The following REPS2 variants were observed in gnomAD, a reference collection of about 807,000 sequenced individuals.
REPS2 encodes RALBP1 associated Eps domain containing 2.
REPS2 carries 23 observed loss-of-function variants against 53.6 expected under a neutral mutation model. That is an observed-to-expected ratio of 0.43 (90% CI 0.31 to 0.61). REPS2 has a LOEUF of 0.61. Among genes scored for constraint, REPS2 ranks in the 20% least tolerant of loss-of-function variants. The pLI is 0.11. For synonymous variants in REPS2, 238 were observed against 218.6 expected (o/e 1.09, Z -0.78); for missense variants, 446 against 534.9 (o/e 0.83, Z 1.64).
intron 1 of REPS2, among the ~76,000 whole-genome samples, chrX:16,949,736 T>A (rs1407865887): frequency 8.9e-6 from 1 of 111,951 alleles, no homozygotes; most frequent in Non-Finnish European, 1.9e-5. Flanking sequence ...GACTATTTTT[T>A]TTTTTCAGAG....
At chrX:17,170,607 A>G in the REPS2 span, among the ~76,000 whole-genome samples, 1 of 112,506 alleles carries the variant, frequency 8.9e-6, no homozygotes, top group Admixed American at 9.4e-5. Flanking sequence ...TCTGCCATGC[A>G]CTACTGAGAT....
At chrX:17,074,045 C>T (rs1386933569) in intron 11 of REPS2, 69 bp from the exon 12 acceptor site, 19 of 992,626 alleles carry the variant, frequency 1.9e-5, no homozygotes, top group Non-Finnish European at 2.6e-5. Context: ...GTGTTCTGTA[C>T]TAGCCCAGGT....
At chrX:17,102,059 T>G (rs996183262) in intron 13 of REPS2, among the ~76,000 whole-genome samples, 1 of 84,275 alleles carries the variant, frequency 1.2e-5, no homozygotes, top group Admixed American at 1.6e-4. Context: ...TTATGTTATG[T>G]TATGTTATGT....
intron 17 of REPS2, among the ~76,000 whole-genome samples, chrX:17,146,014 C>T (rs1251548260): frequency 4.7e-5 from 5 of 107,348 alleles, no homozygotes; most frequent in African/African-American, 1.7e-4. Flanking sequence ...GAGGCTGAGG[C>T]AGGAGAATGG....
intron 3 of REPS2, among the ~76,000 whole-genome samples, chrX:17,023,295 G>A (rs998403593): frequency 1.1e-4 from 12 of 110,996 alleles, no homozygotes; most frequent in Admixed American, 7.6e-4. Context: ...GGGCGTGGTG[G>A]CATGTGCCTG....
chrX:17,101,056 C>CTTT (rs547483010), intron 13 of REPS2, among the ~76,000 whole-genome samples: 2 of 96,481 alleles, frequency 2.1e-5, no homozygotes, highest in African/African-American at 3.8e-5. Context: ...CTTTTTCTTT[C>CTTT]TTTTTTTTTT....
intron 14 of REPS2, among the ~76,000 whole-genome samples, chrX:17,116,559 A>G (rs2063058899): frequency 1.8e-5 from 2 of 111,740 alleles, no homozygotes; most frequent in African/African-American, 6.5e-5. Context: ...TCTGGATGAA[A>G]TCTTCATCTT....
chrX:17,079,849 T>A (rs1351235742), intron 13 of REPS2, among the ~76,000 whole-genome samples: 1 of 112,524 alleles, frequency 8.9e-6, no homozygotes, highest in Non-Finnish European at 1.9e-5. Flanking sequence ...TTCATGTTGG[T>A]TAATTCTCAC....
intron 6 of REPS2, among the ~76,000 whole-genome samples, chrX:17,051,073 T>A (rs2147927552): frequency 9.0e-6 from 1 of 111,539 alleles, no homozygotes; most frequent in South Asian, 3.8e-4. Context: ...AGTTCAATCA[T>A]TTTGATTTTT....
chrX:17,088,834 C>T (rs1361430616), intron 13 of REPS2, among the ~76,000 whole-genome samples: 7 of 110,661 alleles, frequency 6.3e-5, no homozygotes, highest in Middle Eastern at 4.6e-3. Flanking sequence ...CCACCTGCCT[C>T]GGCCTCCCAA....
intron 2 of REPS2, among the ~76,000 whole-genome samples, chrX:17,006,666 G>T (rs17273622): frequency 0.096 from 10,665 of 111,185 alleles, 482 homozygotes; most frequent in East Asian, 0.21. Context: ...TCCACTTGAG[G>T]TATCTATAAT....
chrX:17,060,169 G>A (rs1212577662), intron 8 of REPS2, among the ~76,000 whole-genome samples: 1 of 110,135 alleles, frequency 9.1e-6, no homozygotes, highest in Non-Finnish European at 1.9e-5. Context: ...AGGTGCGGTG[G>A]CGTGCACCTG....
intron 1 of REPS2, among the ~76,000 whole-genome samples, chrX:16,991,065 G>A (rs16980520): frequency 0.034 from 3,770 of 110,712 alleles, 173 homozygotes; most frequent in African/African-American, 0.12. Flanking sequence ...TTCTAATTTG[G>A]GATGTTCTTC....
chrX:17,041,415 C>A (rs1450978056), intron 5 of REPS2, among the ~76,000 whole-genome samples: 1 of 111,653 alleles, frequency 9.0e-6, no homozygotes, highest in South Asian at 3.7e-4. Context: ...TTTCTCAGCC[C>A]CATGACTGAC....
intron 9 of REPS2, among the ~76,000 whole-genome samples, chrX:17,063,059 G>A (rs1299535184): frequency 1.8e-5 from 2 of 112,015 alleles, no homozygotes; most frequent in East Asian, 5.6e-4. Context: ...AAGGAACTTG[G>A]AGAATTCCCC....
At chrX:17,017,275 T>C (rs2061510720) in intron 2 of REPS2, among the ~76,000 whole-genome samples, 1 of 112,301 alleles carries the variant, frequency 8.9e-6, no homozygotes, top group Non-Finnish European at 1.9e-5. Flanking sequence ...CCTGGCTCAA[T>C]ATATTCTTAA....
chrX:16,969,745 A>C (rs910922362), intron 1 of REPS2, among the ~76,000 whole-genome samples: 4 of 80,399 alleles, frequency 5.0e-5, no homozygotes, highest in Non-Finnish European at 9.2e-5. Context: ...CCGTGGGGAG[A>C]GGGAGACCGA....
downstream of REPS2, among the ~76,000 whole-genome samples, chrX:17,153,605 G>T (rs920974404): frequency 1.8e-5 from 2 of 111,776 alleles, no homozygotes; most frequent in Non-Finnish European, 3.8e-5. Flanking sequence ...GTCCTTAGCT[G>T]GAGTTGGGGT....
At chrX:17,005,914 A>G (rs2288305) in intron 1 of REPS2, among the ~76,000 whole-genome samples, 1 of 112,056 alleles carries the variant, frequency 8.9e-6, no homozygotes, top group East Asian at 2.8e-4. Flanking sequence ...CTCCCTGAAA[A>G]AGTCACTCTC....
Sources: allele counts gnomAD v4.1 joint callset (sites outside exome capture counted in the v4.1 genomes callset), GRCh38; gene constraint gnomAD v4.1.1; transcripts MANE v1.5; gene names NCBI Gene and HGNC (gene_info 2026-07-23, HGNC 2026-07-21).